Variants in ZEB1 observed in about 807,000 individuals in gnomAD.
The protein encoded by ZEB1 is zinc finger E-box-binding homeobox 1.
In ZEB1, 21 loss-of-function variants were observed where a neutral mutation model predicts 84.9. That is an observed-to-expected ratio of 0.25 (90% CI 0.18 to 0.36). ZEB1 has a LOEUF of 0.36. Among genes scored for constraint, ZEB1 ranks in the 10% least tolerant of loss-of-function variants. The pLI is 1.00. For missense variants in ZEB1, 1,104 were observed against 1,330.2 expected, an observed-to-expected ratio of 0.83 and a Z score of 2.65; for synonymous variants, 420 against 471.1, an observed-to-expected ratio of 0.89 and a Z score of 1.41.
Position 31,440,118 on chromosome 10 carries a change from T to C in ZEB1, c.59-20919T>C, listed in dbSNP as rs1299099929. Among the ~76,000 whole-genome samples the C allele has an allele frequency of 2.6e-5, 4 of 151,850 alleles. No homozygotes were observed. The East Asian group carries it at 7.8e-4, about 29-fold the overall frequency. On this transcript the variant is annotated intron_variant, in intron 1 of 8. Transcript: ENST00000424869. Reference sequence around the variant, plus strand: ...TTTTTATAGGTATTTCCTTCCAGAGTAGATGCATGGGATATGAGAGAAAAA... The same window carrying C: ...TTTTTATAGGTATTTCCTTCCAGAGCAGATGCATGGGATATGAGAGAAAAA...
At position 31,444,069 on chromosome 10, in the gene ZEB1, C is replaced by T. The variant is rs796627252; in HGVS notation, c.59-16968C>T. Among the ~76,000 whole-genome samples the T allele has an allele frequency of 9.3e-3, 1,399 of 150,918 alleles. 11 individuals carry two copies. The highest frequency in any genetic ancestry group is 0.018 in the African/African-American group (716 of 40,852). On this transcript the variant is annotated intron_variant, in intron 1 of 8. Coordinates refer to ENST00000424869, the MANE Select transcript of ZEB1 (RefSeq NM_001174096.2). ...TCCTATTTCTCCACATCCTCTCCAG[C>T]ACCTGTTGTTTCCTGACTTTTTAAT...
chr10:31,467,854 G>C (rs1018658918), intron 2 of ZEB1, among the ~76,000 whole-genome samples: 6 of 152,262 alleles, frequency 3.9e-5, no homozygotes, highest in African/African-American at 1.4e-4. Context: ...CTTGCTTTCT[G>C]CTGCAGGGAG....
At chr10:31,517,708 T>C (rs538635773) in intron 6 of ZEB1, among the ~76,000 whole-genome samples, 54 of 152,118 alleles carry the variant, frequency 3.5e-4, no homozygotes, top group Non-Finnish European at 6.9e-4. Context: ...GAATAATTGT[T>C]GTGTAAACTT....
At chr10:31,321,790 A>G in intron 1 of ZEB1, 1 of 524,364 alleles carries the variant, frequency 1.9e-6, no homozygotes. Flanking sequence ...ATCCTGAAAG[A>G]TACTTGAAAT....
Position 31,521,782 on chromosome 10 carries a change from C to A in ZEB1, c.2450C>A (p.Ala817Asp). Reference protein sequence around the residue: ...TVTAQLPTIVAIADQNSVPCL... With the variant: ...TVTAQLPTIVDIADQNSVPCL... ...ACTGCCCAGTTACCCACAATCGTGG[C>A]CATTGCTGACCAGAACAGTGTTCCA... Residue 817 changes from alanine to aspartate, a missense_variant, in exon 7 of 9, where the codon GCC becomes GAC. This residue lies in a region of ZEB1 where 531 missense variants were observed against 575.2 expected (regional missense o/e 0.92). Transcript: ENST00000424869. 6.2e-7 allele frequency: 1 copy of A among 1,614,042 alleles called. No homozygotes were observed. Among genetic ancestry groups the A allele is most frequent in the East Asian group, 2.2e-5 (1 of 44,862 alleles).
chr10:31,451,285 C>G (rs534884114), intron 1 of ZEB1, among the ~76,000 whole-genome samples: 1 of 152,128 alleles, frequency 6.6e-6, no homozygotes, highest in Non-Finnish European at 1.5e-5. Flanking sequence ...TTGTAGTTAA[C>G]TCCATTTGCA....
intron 1 of ZEB1, among the ~76,000 whole-genome samples, chr10:31,410,271 T>C (rs2053991111): frequency 6.6e-6 from 1 of 152,200 alleles, no homozygotes; most frequent in Non-Finnish European, 1.5e-5. Flanking sequence ...GATAATTATG[T>C]CGTTTTTGTC....
chr10:31,323,550 A>C (rs2034663628), intron 1 of ZEB1, among the ~76,000 whole-genome samples: 1 of 152,056 alleles, frequency 6.6e-6, no homozygotes, highest in Non-Finnish European at 1.5e-5. Flanking sequence ...GTTAAGAATC[A>C]GTGAGTGCAT....
chr10:31,483,705 T>C (rs2065359743), intron 2 of ZEB1, among the ~76,000 whole-genome samples: 1 of 152,030 alleles, frequency 6.6e-6, no homozygotes, highest in Admixed American at 6.6e-5. Context: ...CAATCTTATC[T>C]GTAGCTAGCT....
intron 3 of ZEB1, among the ~76,000 whole-genome samples, chr10:31,496,509 C>T (rs2067258787): frequency 6.6e-6 from 1 of 152,044 alleles, no homozygotes. Flanking sequence ...AAAATTAAAT[C>T]AGATCTTATG....
chr10:31,391,356 G>A (rs1408597986), intron 1 of ZEB1, among the ~76,000 whole-genome samples: 1 of 151,006 alleles, frequency 6.6e-6, no homozygotes, highest in Non-Finnish European at 1.5e-5. Flanking sequence ...CACCTGAAAG[G>A]TCTCAAATAT....
chr10:31,491,566 AAAG>A lies in ZEB1; in HGVS notation c.260-4201_260-4199del, dbSNP rs570852375. 1.4e-4 allele frequency among the ~76,000 whole-genome samples: 22 copies of A among 152,012 alleles called. No individual in the cohort carries two copies. In the East Asian group the frequency reaches 2.9e-3, roughly 20 times the overall value. ...TCCAGGCCAGGGGTACCTTTTAAAA[AAAG>A]AAGAAGAAAGAAAAAGGTAAGGGGA... On this transcript the variant is annotated intron_variant, in intron 2 of 8. Coordinates refer to ENST00000424869, the MANE Select transcript of ZEB1 (RefSeq NM_001174096.2).
chr10:31,461,633 G>C (rs2061832256), intron 2 of ZEB1, among the ~76,000 whole-genome samples: 1 of 152,032 alleles, frequency 6.6e-6, no homozygotes, highest in Admixed American at 6.6e-5. Flanking sequence ...AATCATGGAG[G>C]TATTTTTAGT....
intron 2 of ZEB1, among the ~76,000 whole-genome samples, chr10:31,474,153 A>G (rs1293760660): frequency 6.6e-6 from 1 of 152,212 alleles, no homozygotes; most frequent in African/African-American, 2.4e-5. Context: ...GGCACGGGCA[A>G]GGACTTCATG....
chr10:31,412,340 A>G (rs2054459001), intron 1 of ZEB1, among the ~76,000 whole-genome samples: 1 of 152,138 alleles, frequency 6.6e-6, no homozygotes, highest in African/African-American at 2.4e-5. Flanking sequence ...ATAAATGGCC[A>G]TGTTGGTGTG....
chr10:31,369,677 C>G (rs1027640850), intron 1 of ZEB1, among the ~76,000 whole-genome samples: 3 of 152,114 alleles, frequency 2.0e-5, no homozygotes, highest in African/African-American at 7.2e-5. Flanking sequence ...TGCAGATATC[C>G]CTTTGACATA....
At chr10:31,471,814 A>C (rs554904874) in intron 2 of ZEB1, among the ~76,000 whole-genome samples, 1 of 144,420 alleles carries the variant, frequency 6.9e-6, no homozygotes, top group African/African-American at 2.8e-5. Context: ...CTTGGAAGTA[A>C]AGCTCTCCTC....
chr10:31,486,434 T>C (rs2065776686), intron 2 of ZEB1, among the ~76,000 whole-genome samples: 1 of 151,718 alleles, frequency 6.6e-6, no homozygotes, highest in African/African-American at 2.4e-5. Flanking sequence ...AGGTGTGTTT[T>C]CATAACAGGT....
At chr10:31,360,619 T>C (rs1347841058) in intron 1 of ZEB1, among the ~76,000 whole-genome samples, 1 of 152,220 alleles carries the variant, frequency 6.6e-6, no homozygotes, top group African/African-American at 2.4e-5. Flanking sequence ...ATGAATAAAA[T>C]GTGCTGAAAT....
Sources: gnomAD v4.1 joint callset for allele counts (sites outside exome capture counted in the v4.1 genomes callset) on GRCh38, gnomAD v4.1.1 for gene constraint, gnomAD v4.1.1 regional missense constraint, MANE v1.5 for transcripts, NCBI Gene and HGNC (gene_info 2026-07-23, HGNC 2026-07-21) for gene names.